Variants in AKNAD1 observed in about 807,000 individuals in gnomAD.
AKNAD1 encodes protein AKNAD1.
Under a neutral mutation model 90.8 loss-of-function variants are expected in AKNAD1, and 67 were observed. The observed-to-expected ratio is 0.74, with a 90% confidence interval of 0.61 to 0.90. The LOEUF (loss-of-function observed/expected upper bound fraction) is 0.90, where lower values mean the gene tolerates loss of function less well. Among genes scored for constraint, AKNAD1 ranks in the 40% least tolerant of loss-of-function variants. The pLI, the probability that AKNAD1 is intolerant of heterozygous loss-of-function variation, is 0.00. For synonymous variants in AKNAD1, 327 were observed against 341.4 expected, an observed-to-expected ratio of 0.96 and a Z score of 0.46; for missense variants, 957 against 975.4, an observed-to-expected ratio of 0.98 and a Z score of 0.25.
At chr1:108,829,295 AGTCT>A (rs1169953521) in intron 10 of AKNAD1, among the ~76,000 whole-genome samples, 5 of 151,960 alleles carry the variant, frequency 3.3e-5, no homozygotes, top group Non-Finnish European at 5.9e-5. Flanking sequence ...AGTATTATTT[AGTCT>A]GGAACATTGG....
At chr1:108,840,240 A>G (rs1186803073) in intron 6 of AKNAD1, among the ~76,000 whole-genome samples, 1 of 152,208 alleles carries the variant, frequency 6.6e-6, no homozygotes, top group Admixed American at 6.5e-5. Flanking sequence ...AATCAACAAA[A>G]CACTAAGAAG....
In AKNAD1 at chr1:108,835,016, C is replaced by T. The variant is rs1570810521; in HGVS notation, c.1577G>A (p.Gly526Asp). 6.4e-7 allele frequency: 1 copy of T among 1,570,180 alleles called. No homozygotes were observed. ...EHPGHPSGPR[G>D]SGGSEVTGTP... is the part of the protein sequence containing the mutation. Reference sequence around the variant, plus strand: ...CCCTGTTACCTCACTCCCACCTGAGCCTCGAGGCCCAGAAGGGTGGCCGGG... The same window carrying T: ...CCCTGTTACCTCACTCCCACCTGAGTCTCGAGGCCCAGAAGGGTGGCCGGG... The change falls in exon 8 of 16, where the codon GGC becomes GAC. Residue 526 changes from glycine to aspartate, a missense_variant. Coordinates refer to ENST00000370001, the MANE Select transcript of AKNAD1 (RefSeq NM_152763.5).
intron 5 of AKNAD1, among the ~76,000 whole-genome samples, chr1:108,843,677 T>A (rs147152643): frequency 6.6e-6 from 1 of 152,324 alleles, no homozygotes; most frequent in East Asian, 1.9e-4. Flanking sequence ...TATCCCACTT[T>A]TACAAAGGAG....
chr1:108,830,509 C>T, intron 10 of AKNAD1, 50 bp downstream of exon 10: 1 of 1,570,556 alleles, frequency 6.4e-7, no homozygotes, highest in Non-Finnish European at 8.8e-7. Flanking sequence ...GTTACTATGC[C>T]AGGACTGACT....
chr1:108,856,715 C>CACACACA (rs1206867720), intron 1 of AKNAD1, among the ~76,000 whole-genome samples: 2 of 149,826 alleles, frequency 1.3e-5, no homozygotes, highest in Non-Finnish European at 3.0e-5. Context: ...CTCTCTCTCT[C>CACACACA]TCTCACACAC....
rs770487353 is a variant in AKNAD1, at chr1:108,817,067, G to T, written c.2360C>A (p.Thr787Asn). Residue 787 changes from threonine to asparagine, a missense_variant, in exon 15 of 16, where the codon ACT (threonine) becomes AAT (asparagine). By Grantham distance (65) the Thr-to-Asn change is moderately conservative. Coordinates refer to ENST00000370001, the MANE Select transcript of AKNAD1 (RefSeq NM_152763.5). Reference sequence around the variant, plus strand: ...CCTCACCTCAGATTTTATTTCTTCAGTGCTATCAAAGTCACATAAGGATTT... The same window carrying T: ...CCTCACCTCAGATTTTATTTCTTCATTGCTATCAAAGTCACATAAGGATTT... Reference protein sequence around the residue: ...GSKSLCDFDSTEEIKSEILNS... With the variant: ...GSKSLCDFDSNEEIKSEILNS... The T allele has an allele frequency of 1.2e-6, 2 of 1,614,062 alleles. No individual in the cohort carries two copies.
intron 13 of AKNAD1, among the ~76,000 whole-genome samples, chr1:108,822,791 C>G (rs990519540): frequency 1.3e-5 from 2 of 152,202 alleles, no homozygotes; most frequent in African/African-American, 4.8e-5. Flanking sequence ...GCTTTTTGAA[C>G]TTACCCCATT....
At chr1:108,818,643 T>G (rs1663707621) in intron 14 of AKNAD1, among the ~76,000 whole-genome samples, 1 of 152,128 alleles carries the variant, frequency 6.6e-6, no homozygotes, top group African/African-American at 2.4e-5. Flanking sequence ...TCAAGGAACC[T>G]GCCCAAGGAC....
rs771119813 is a variant in AKNAD1 at position 108,848,731 on chromosome 1, A to T, written c.1245+21T>A. 32 of 1,594,738 alleles carry T rather than the reference A, an allele frequency of 2.0e-5. No individual in the cohort carries two copies. The South Asian group carries it at 3.1e-4, about 15-fold the overall frequency. The stretch of plus-strand genomic sequence containing the variant: ...CCATATTCTCTAATCAAGATTTTAA[A>T]AACGGGATAAAATTCATTACCAGCT... On this transcript the variant is annotated intron_variant, in intron 5 of 15. Transcript: ENST00000370001.
At chr1:108,836,426 A>G (rs866714115) in intron 7 of AKNAD1, among the ~76,000 whole-genome samples, 105 of 144,888 alleles carry the variant, frequency 7.2e-4, no homozygotes, top group African/African-American at 2.7e-3. Context: ...AACGAGACCC[A>G]GTGCTGCGGG....
chr1:108,828,777 C>T (rs1664095223), intron 10 of AKNAD1, among the ~76,000 whole-genome samples: 1 of 151,772 alleles, frequency 6.6e-6, no homozygotes, highest in East Asian at 2.0e-4. Flanking sequence ...CATCTGCTCT[C>T]CAAAGTGGGA....
chr1:108,856,745 A>ACACACACACACACACACACAC (rs1400694001), intron 1 of AKNAD1, among the ~76,000 whole-genome samples, 184 bp downstream of exon 1: 4 of 151,074 alleles, frequency 2.6e-5, no homozygotes, highest in African/African-American at 4.9e-5. Flanking sequence ...CACACACACA[A>ACACACACACACACACACACAC]ACACACACAC....
chr1:108,840,595 T>C (rs1664523895), intron 6 of AKNAD1, among the ~76,000 whole-genome samples: 1 of 152,194 alleles, frequency 6.6e-6, no homozygotes. Flanking sequence ...GAAACATTTC[T>C]AAATATACAC....
At chr1:108,836,025 T>C (rs1490244744) in intron 7 of AKNAD1, among the ~76,000 whole-genome samples, 2 of 152,240 alleles carry the variant, frequency 1.3e-5, no homozygotes, top group Non-Finnish European at 2.9e-5. Context: ...AGAAAAGTGC[T>C]AGCCTATAGC....
intron 14 of AKNAD1, among the ~76,000 whole-genome samples, chr1:108,819,823 A>G (rs2101156717): frequency 6.7e-6 from 1 of 150,082 alleles, no homozygotes; most frequent in East Asian, 2.0e-4. Context: ...ACTTGAGCCC[A>G]GGAGTTCAAG....
rs5776950 is a variant in AKNAD1 at position 108,834,535 on chromosome 1, TAA to T, written c.1665-9_1665-8del. ...ATAATGACCGTTTAGGTAACTAATTTAAAAAAAAAAAAAGCAGTTTGAATGTT... is the reference window on the plus strand; with the variant it reads ...ATAATGACCGTTTAGGTAACTAATTTAAAAAAAAAAAGCAGTTTGAATGTT... On this transcript the variant is annotated splice_region_variant and splice_polypyrimidine_tract_variant and intron_variant, in intron 8 of 15. Transcript: ENST00000370001. 0.073 allele frequency: 78,592 copies of T among 1,080,976 alleles called. 1 individual carries two copies. The highest frequency in any genetic ancestry group is 0.12 in the South Asian group (6,324 of 53,704). The allele number at this position is 1,080,976 out of a possible 1,614,324, so 67.0% of individuals were successfully genotyped here.
chr1:108,823,316 A>G lies in AKNAD1; in HGVS notation c.2167+54T>C, dbSNP rs186919010. The G allele has an allele frequency of 3.3e-4, 433 of 1,324,324 alleles. No homozygotes were observed. The African/African-American group carries it at 5.7e-3, about 18-fold the overall frequency. 82.0% of individuals were successfully genotyped at this position (1,324,324 alleles called of 1,614,324 possible). ...GGCCAGTGTCATGTGAATGTCCCAT[A>G]CCTGGGACATTAGGTTGTTGATATG... On this transcript the variant is annotated intron_variant, in intron 13 of 15. Coordinates refer to ENST00000370001, the MANE Select transcript of AKNAD1 (RefSeq NM_152763.5).
chr1:108,829,723 C>T (rs182967535), intron 10 of AKNAD1, among the ~76,000 whole-genome samples: 2 of 152,312 alleles, frequency 1.3e-5, no homozygotes, highest in African/African-American at 2.4e-5. Context: ...GTCTTTCAGA[C>T]CCTGTCATCT....
intron 1 of AKNAD1, among the ~76,000 whole-genome samples, chr1:108,854,101 G>A (rs1165274730): frequency 2.6e-5 from 4 of 152,142 alleles, no homozygotes; most frequent in South Asian, 2.1e-4. Flanking sequence ...CAGCCCAGGC[G>A]GCGGTCTGGT....
Sources: allele counts gnomAD v4.1 joint callset (sites outside exome capture counted in the v4.1 genomes callset), GRCh38; gene constraint gnomAD v4.1.1; transcripts MANE v1.5; gene names NCBI Gene and HGNC (gene_info 2026-07-23, HGNC 2026-07-21).